Variants in LRRK1 observed in about 807,000 individuals in gnomAD.
LRRK1 encodes leucine-rich repeat serine/threonine-protein kinase 1.
In LRRK1, 113 loss-of-function variants were observed where a neutral mutation model predicts 209.1. That is an observed-to-expected ratio of 0.54 (90% confidence interval 0.46 to 0.63). The LOEUF is 0.63. Ranked by LOEUF, LRRK1 falls within the 30% of genes least tolerant of loss-of-function variation. LRRK1 has a pLI of 0.00. For missense variants in LRRK1, 2,284 were observed against 2,632.2 expected (o/e 0.87, Z 2.89); for synonymous variants, 1,144 against 1,099.7 (o/e 1.04, Z -0.80).
At chr15:100,976,579 G>T (rs1020942825) in intron 3 of LRRK1, among the ~76,000 whole-genome samples, 11 of 152,192 alleles carry the variant, frequency 7.2e-5, no homozygotes, top group Admixed American at 6.5e-5. Flanking sequence ...TACTAGGAAG[G>T]TACTAGGAAT....
chr15:101,024,698 C>T lies in LRRK1; in HGVS notation c.2068-105C>T, dbSNP rs2033941671. On this transcript the variant is annotated intron_variant, in intron 15 of 33. Transcript: ENST00000388948. The surrounding 1 kb of genome is among the most constrained non-coding windows in gnomAD (Gnocchi z 4.6). ...CAGAACTTTTCCACGGTTGTTTTTT[C>T]AGACCCCCGAGTCCAGCCTCCAGAG... The T allele has an allele frequency of 7.9e-6, 10 of 1,260,728 alleles. No homozygotes were observed. Among genetic ancestry groups the T allele is most frequent in the South Asian group, 1.5e-5 (1 of 68,386 alleles). The allele number at this position is 1,260,728 out of a possible 1,614,324, so 78.1% of individuals were successfully genotyped here.
chr15:100,930,133 G>C (rs1333520852), intron 2 of LRRK1, among the ~76,000 whole-genome samples: 2 of 152,232 alleles, frequency 1.3e-5, no homozygotes, highest in Non-Finnish European at 2.9e-5. Context: ...AGCTCTGGTA[G>C]GAAGTGGATG....
chr15:100,950,021 C>T (rs548842420), intron 2 of LRRK1, among the ~76,000 whole-genome samples: 16 of 152,268 alleles, frequency 1.1e-4, no homozygotes, highest in Admixed American at 9.8e-4. Context: ...CTTGCCAGGG[C>T]AAAGACAAGA....
In LRRK1 at chr15:101,066,014, C is replaced by A; in HGVS notation, c.5577C>A (p.Leu1859=). 1 of 1,614,100 alleles carries A rather than the reference C, an allele frequency of 6.2e-7. No homozygotes were observed. Among genetic ancestry groups the A allele is most frequent in the Non-Finnish European group, 8.5e-7 (1 of 1,180,000 alleles). ...AGGCTGCCAGGTCCCCCTCAAGCCTCCCCAGCTCCCCAGCAAGTTCTTCCA... is the reference window on the plus strand; with the variant it reads ...AGGCTGCCAGGTCCCCCTCAAGCCTACCCAGCTCCCCAGCAAGTTCTTCCA... ...PRQAARSPSS[L]PSSPASSSSV... The change falls in exon 32 of 34, where the codon CTC becomes CTA. Residue 1859 remains leucine, a synonymous_variant. Transcript: ENST00000388948.
chr15:100,992,230 C>T (rs57176489), intron 6 of LRRK1, among the ~76,000 whole-genome samples: 8,070 of 152,208 alleles, frequency 0.053, 502 homozygotes, highest in African/African-American at 0.15. Flanking sequence ...AGAAGTCTCA[C>T]AGGAATTATT....
rs1165175103 is a variant in LRRK1, at chr15:101,076,755, G to A, written c.*7907G>A. 5.9e-5 allele frequency: 9 copies of A among 152,408 alleles called. No individual in the cohort carries two copies. Among genetic ancestry groups the A allele is most frequent in the Non-Finnish European group, 1.3e-4 (9 of 68,274 alleles). 9.4% of individuals were successfully genotyped at this position (152,408 alleles called of 1,614,324 possible). A position where few individuals can be genotyped will look rare whatever the true frequency, so the allele number is the denominator to read the frequency against. ...AGCTCAGGGATTTGCCTCCACCCAG[G>A]ACTGGCAAATTGACTTTACTCAACA... On this transcript the variant is annotated 3_prime_UTR_variant, in exon 34 of 34. Transcript: ENST00000388948.
At position 101,054,262 on chromosome 15, in the gene LRRK1, C is replaced by A. The variant is rs137902952; in HGVS notation, c.4055-684C>A. ...GTGCTGGAATCACCGGCATGAGCCA[C>A]ACGCCCAGCCAAACAAAATGCTTCT... On this transcript the variant is annotated intron_variant, in intron 26 of 33. Coordinates refer to ENST00000388948, the MANE Select transcript of LRRK1 (RefSeq NM_024652.6). 5.3e-5 allele frequency among the ~76,000 whole-genome samples: 8 copies of A among 152,326 alleles called. No homozygotes were observed. In the South Asian group the frequency reaches 1.2e-3, roughly 24 times the overall value.
chr15:100,939,558 A>T (rs567230339), intron 2 of LRRK1, among the ~76,000 whole-genome samples: 1 of 152,230 alleles, frequency 6.6e-6, no homozygotes, highest in Non-Finnish European at 1.5e-5. Context: ...TGTCAGCGCA[A>T]TCACTCTTTA....
chr15:101,041,025 A>C (rs973976262), intron 20 of LRRK1, among the ~76,000 whole-genome samples: 1 of 152,100 alleles, frequency 6.6e-6, no homozygotes, highest in African/African-American at 2.4e-5. Flanking sequence ...TGATAAGTCT[A>C]CCTCTCTCTC....
chr15:100,990,060 A>T (rs535133698), intron 6 of LRRK1, among the ~76,000 whole-genome samples: 1 of 152,356 alleles, frequency 6.6e-6, no homozygotes, highest in South Asian at 2.1e-4. Flanking sequence ...ACAACCTGGT[A>T]GGGATCTTTT....
At position 101,044,516 on chromosome 15, in the gene LRRK1, C is replaced by T. The variant is rs377253731; in HGVS notation, c.2964-1465C>T. Among the ~76,000 whole-genome samples, 77 of 152,336 alleles carry T rather than the reference C, an allele frequency of 5.1e-4. 4 individuals are homozygous for T. In the East Asian group the frequency reaches 7.5e-3, roughly 15 times the overall value. On this transcript the variant is annotated intron_variant, in intron 20 of 33. Coordinates refer to ENST00000388948, the MANE Select transcript of LRRK1 (RefSeq NM_024652.6). ...TAATTGCTCTGAAACCCGGAGCCAG[C>T]GGCCTCCACTACCTGGAGACCACTG...
rs776071685 is a variant in LRRK1, at chr15:101,065,994, G to T, written c.5557G>T (p.Ala1853Ser). The change falls in exon 32 of 34, where the codon GCC becomes TCC. Residue 1853 changes from alanine (A) to serine (S), a missense_variant. Physicochemically the swap from Ala to Ser is moderately conservative, Grantham distance 99. This residue lies in a region of LRRK1 where 643 missense variants were observed against 695.9 expected (regional missense o/e 0.92). Transcript: ENST00000388948. ...CTCCTCATCCCCACCCCGCCAGGCT[G>T]CCAGGTCCCCCTCAAGCCTCCCCAG... is the stretch of plus-strand genomic sequence containing the variant. Reference protein sequence around the residue: ...SYSSSPPRQAARSPSSLPSSP... With the variant: ...SYSSSPPRQASRSPSSLPSSP... 10 of 1,613,934 alleles carry T rather than the reference G, an allele frequency of 6.2e-6. No individual in the cohort carries two copies. The highest frequency in any genetic ancestry group is 8.5e-6 in the Non-Finnish European group (10 of 1,180,026).
At chr15:101,066,322 T>A in intron 32 of LRRK1, 117 bp downstream of exon 32, 1 of 1,375,318 alleles carries the variant, frequency 7.3e-7, no homozygotes, top group African/African-American at 1.4e-5. Flanking sequence ...GCAGGTGCTG[T>A]TCTTCCAAGA....
In LRRK1 at chr15:101,010,470, C is replaced by G; in HGVS notation, c.1010C>G (p.Ser337Cys). 6.2e-7 allele frequency: 1 copy of G among 1,611,512 alleles called. No homozygotes were observed. Among genetic ancestry groups the G allele is most frequent in the Non-Finnish European group, 8.5e-7 (1 of 1,179,330 alleles). The change falls in exon 8 of 34, where the codon TCC becomes TGC. Residue 337 changes from serine to cysteine, a missense_variant. Physicochemically the swap from Ser to Cys is moderately radical, Grantham distance 112. This residue lies in a region of LRRK1 where 494 missense variants were observed against 522.1 expected (regional missense o/e 0.95). Transcript: ENST00000388948. ...ICSRLLEIDISSNKLSHLPPG... is the reference protein window; with the variant it reads ...ICSRLLEIDICSNKLSHLPPG... ...CGCAGGCTACTTGAAATTGACATTT[C>G]CAGCAACAAGTTGTCCCACCTCCCT...
At chr15:100,979,604 T>A (rs938004568) in intron 3 of LRRK1, among the ~76,000 whole-genome samples, 2 of 152,104 alleles carry the variant, frequency 1.3e-5, no homozygotes, top group Non-Finnish European at 2.9e-5. Context: ...GATTAAAAAC[T>A]TTTCTCTGAG....
chr15:100,995,395 T>C (rs1391115346), intron 6 of LRRK1, among the ~76,000 whole-genome samples: 1 of 151,896 alleles, frequency 6.6e-6, no homozygotes, highest in Admixed American at 6.6e-5. Flanking sequence ...GCTGCTTGGG[T>C]TTTGCTGGTG....
intron 6 of LRRK1, among the ~76,000 whole-genome samples, chr15:101,006,383 AAAAAAAAAAG>A (rs952453338): frequency 8.0e-5 from 12 of 150,292 alleles, no homozygotes; most frequent in African/African-American, 3.0e-4. Flanking sequence ...AAAAAAAAAA[AAAAAAAAAAG>A]AAAAGGCATT....
At position 101,065,784 on chromosome 15, in the gene LRRK1, C is replaced by T; in HGVS notation, c.5347C>T (p.Leu1783Phe). 2 of 1,614,098 alleles carry T rather than the reference C, an allele frequency of 1.2e-6. No homozygotes were observed. The highest frequency in any genetic ancestry group is 1.7e-6 in the Non-Finnish European group (2 of 1,180,014). Residue 1783 changes from leucine (L) to phenylalanine (F), a missense_variant, in exon 32 of 34, where the codon CTC becomes TTC. By Grantham distance (22) the Leu-to-Phe change is conservative. Coordinates refer to ENST00000388948, the MANE Select transcript of LRRK1 (RefSeq NM_024652.6). ...ARYFCGVPSP[L>F]RDMFPVRPLD... ...GTACTTCTGCGGGGTCCCCAGCCCCCTCAGGGACATGTTTCCCGTGCGGCC... is the reference window on the plus strand; with the variant it reads ...GTACTTCTGCGGGGTCCCCAGCCCCTTCAGGGACATGTTTCCCGTGCGGCC...
At position 100,999,606 on chromosome 15, in the gene LRRK1, G is replaced by A. The variant is rs560535927; in HGVS notation, c.763-9231G>A. ...GGTTTTGACTCATAAAATGAAATGA[G>A]TCCTGTATTAAGGAACCACTTACAT... On this transcript the variant is annotated intron_variant, in intron 6 of 33. Transcript: ENST00000388948. Among the ~76,000 whole-genome samples the A allele has an allele frequency of 3.9e-5, 6 of 152,304 alleles. No homozygotes were observed. The East Asian group carries it at 1.2e-3, about 29-fold the overall frequency.
Sources: allele counts gnomAD v4.1 joint callset (sites outside exome capture counted in the v4.1 genomes callset), GRCh38; gene constraint gnomAD v4.1.1; regional missense constraint gnomAD v4.1.1; non-coding constraint Gnocchi (gnomAD v3.1); transcripts MANE v1.5; gene names NCBI Gene and HGNC (gene_info 2026-07-23, HGNC 2026-07-21).